The following FUBP3 variants were observed in gnomAD, a reference collection of about 807,000 sequenced individuals.
FUBP3 encodes the protein far upstream element binding protein 3.
Under a neutral mutation model 85.6 loss-of-function variants are expected in FUBP3, and 28 were observed. That is an observed-to-expected ratio of 0.33 (90% CI 0.24 to 0.45). The LOEUF is 0.45. Among genes scored for constraint, FUBP3 ranks in the 20% least tolerant of loss-of-function variants. The probability of loss-of-function intolerance (pLI) is 1.00; values close to 1 mark genes in which losing one functional copy is unlikely to be tolerated. For missense variants in FUBP3, 583 were observed against 755.1 expected (o/e 0.77, Z 2.67); for synonymous variants, 271 against 271.4 (o/e 1.00, Z 0.01).
At chr9:130,583,036 G>A (rs1022704266) in intron 1 of FUBP3, among the ~76,000 whole-genome samples, 13 of 152,258 alleles carry the variant, frequency 8.5e-5, no homozygotes, top group Admixed American at 2.0e-4. Context: ...TGTTGATACA[G>A]AATGCAGTCT....
chr9:130,628,597 G>A (rs1564223645), intron 12 of FUBP3, among the ~76,000 whole-genome samples: 1 of 152,156 alleles, frequency 6.6e-6, no homozygotes, highest in Non-Finnish European at 1.5e-5. Flanking sequence ...GGCCCAGTGG[G>A]GAGGGCCGGG....
intron 2 of FUBP3, among the ~76,000 whole-genome samples, chr9:130,599,191 C>G (rs1312567697): frequency 1.3e-5 from 2 of 152,026 alleles, no homozygotes; most frequent in Non-Finnish European, 2.9e-5. Context: ...GCTTGGGAGG[C>G]TGAGGCAGGA....
At chr9:130,630,375 A>G (rs1026525512) in intron 12 of FUBP3, among the ~76,000 whole-genome samples, 3 of 152,188 alleles carry the variant, frequency 2.0e-5, no homozygotes, top group African/African-American at 2.4e-5. Flanking sequence ...GAGGTTTCAC[A>G]TGGCATCTGT....
At chr9:130,609,772 A>G (rs1446990054) in intron 2 of FUBP3, among the ~76,000 whole-genome samples, 182 bp from the exon 3 acceptor site, 2 of 152,174 alleles carry the variant, frequency 1.3e-5, no homozygotes, top group East Asian at 3.8e-4. Flanking sequence ...GTGTTGATCA[A>G]GATGTCCCCT....
At position 130,632,212 on chromosome 9, in the gene FUBP3, G is replaced by C. The variant is rs1564227758; in HGVS notation, c.1444G>C (p.Ala482Pro). The C allele has an allele frequency of 3.7e-6, 6 of 1,613,800 alleles. No homozygotes were observed. The highest frequency in any genetic ancestry group is 5.1e-6 in the Non-Finnish European group (6 of 1,179,798). ...TCTTGTTATCCACAGTGGTCCTCCG[G>C]CCTTTCTGACCCAGGGCTGGGGCAG... ...PHSTPVSGPP[A>P]FLTQGWGSTY... Residue 482 changes from alanine (A) to proline (P), a missense_variant, in exon 16 of 19, where the codon GCC becomes CCC. By Grantham distance (27) the Ala-to-Pro change is conservative. This residue lies in a region of FUBP3 where 404 missense variants were observed against 516.8 expected (regional missense o/e 0.78). Transcript: ENST00000319725.
intron 18 of FUBP3, 113 bp from the exon 19 acceptor site, chr9:130,636,901 G>A: frequency 1.1e-6 from 1 of 878,262 alleles, no homozygotes; most frequent in Non-Finnish European, 2.0e-6. Flanking sequence ...GACCTCTTCA[G>A]CAGAGGTTTT....
intron 8 of FUBP3, 118 bp downstream of exon 8, chr9:130,618,013 A>G: frequency 1.7e-6 from 1 of 585,646 alleles, no homozygotes; most frequent in Non-Finnish European, 3.1e-6. Flanking sequence ...TATTGAAGGT[A>G]AACTGTTCTC....
At chr9:130,622,310 A>C (rs1483800435) in intron 9 of FUBP3, among the ~76,000 whole-genome samples, 5 of 128,984 alleles carry the variant, frequency 3.9e-5, no homozygotes, top group Non-Finnish European at 7.9e-5. Flanking sequence ...ACAGAGCGAG[A>C]CTCCATCTCC....
At position 130,589,667 on chromosome 9, in the gene FUBP3, A is replaced by G. The variant is rs868274418; in HGVS notation, c.85-5816A>G. Among the ~76,000 whole-genome samples the G allele has an allele frequency of 8.6e-3, 516 of 59,976 alleles. 10 individuals carry two copies. Among genetic ancestry groups the G allele is most frequent in the African/African-American group, 0.033 (477 of 14,492 alleles). The allele number at this position is 59,976 out of a possible 152,430, so 39.3% of individuals were successfully genotyped here. A position where few individuals can be genotyped will look rare whatever the true frequency, so the allele number is the denominator to read the frequency against. On this transcript the variant is annotated intron_variant, in intron 1 of 18. Coordinates refer to ENST00000319725, the MANE Select transcript of FUBP3 (RefSeq NM_003934.2). The stretch of plus-strand genomic sequence containing the variant: ...CCAGATTTATTTTAAATATGTATGT[A>G]TGTGTGTGTATATATATATATATAT...
At chr9:130,617,175 CAG>C (rs1832049715) in intron 7 of FUBP3, among the ~76,000 whole-genome samples, 1 of 152,182 alleles carries the variant, frequency 6.6e-6, no homozygotes, top group Non-Finnish European at 1.5e-5. Context: ...ATAATACACT[CAG>C]AGAAAGGCAA....
intron 2 of FUBP3, among the ~76,000 whole-genome samples, chr9:130,597,380 T>C (rs1391871231): frequency 1.3e-5 from 2 of 152,204 alleles, no homozygotes; most frequent in East Asian, 3.8e-4. Context: ...AGAAGTGATC[T>C]GGTAGCCTCT....
At chr9:130,632,431 C>T (rs911209991) in intron 16 of FUBP3, among the ~76,000 whole-genome samples, 153 bp downstream of exon 16, 1 of 152,230 alleles carries the variant, frequency 6.6e-6, no homozygotes, top group Non-Finnish European at 1.5e-5. Context: ...CTTGGGCCCT[C>T]CTGCAGGCCT....
chr9:130,616,370 C>G lies in FUBP3; in HGVS notation c.420C>G (p.Leu140=), dbSNP rs201272383. The G allele has an allele frequency of 1.8e-5, 29 of 1,614,148 alleles. No individual in the cohort carries two copies. The East Asian group carries it at 6.2e-4, about 35-fold the overall frequency. Residue 140 remains leucine (L), a synonymous_variant, in exon 7 of 19, where the codon CTC becomes CTG. Transcript: ENST00000319725. The surrounding 1 kb of genome is among the most constrained non-coding windows in gnomAD (Gnocchi z 4.7). ...TPESIEQAKR[L]LGQIVDRCRN... is the part of the protein sequence containing the mutation. Reference sequence around the variant, plus strand: ...CCTCCCAAAGACAAGCCAAACGGCTCCTGGGACAGATTGTGGACCGCTGTC... The same window carrying G: ...CCTCCCAAAGACAAGCCAAACGGCTGCTGGGACAGATTGTGGACCGCTGTC...
At chr9:130,619,321 A>G (rs1404679683) in intron 8 of FUBP3, among the ~76,000 whole-genome samples, 1 of 108,842 alleles carries the variant, frequency 9.2e-6, no homozygotes, top group African/African-American at 3.7e-5. Context: ...TTTTTTTTTC[A>G]TTTAGGAGAT....
Position 130,616,314 on chromosome 9 carries a change from A to G in FUBP3, c.405-41A>G, listed in dbSNP as rs1554742169. Reference sequence around the variant, plus strand: ...CCTGTCTTGCACACTTAGAGCCTCCATTTAATGCTGGTTCTCTTGTGGTTC... The same window carrying G: ...CCTGTCTTGCACACTTAGAGCCTCCGTTTAATGCTGGTTCTCTTGTGGTTC... On this transcript the variant is annotated intron_variant, in intron 6 of 18. Transcript: ENST00000319725. This position sits in a 1 kb window ranked among gnomAD's most constrained non-coding sequence, Gnocchi z 4.7. The G allele has an allele frequency of 1.2e-6, 2 of 1,607,922 alleles. 1 individual carries two copies. Among genetic ancestry groups the G allele is most frequent in the South Asian group, 2.2e-5 (2 of 90,746 alleles).
At chr9:130,621,513 T>C (rs1217427156) in intron 9 of FUBP3, among the ~76,000 whole-genome samples, 1 of 152,232 alleles carries the variant, frequency 6.6e-6, no homozygotes, top group African/African-American at 2.4e-5. Context: ...GTGTGTTTAT[T>C]GGAAGGCAAA....
At chr9:130,628,102 G>A (rs55706021) in intron 12 of FUBP3, among the ~76,000 whole-genome samples, 11,443 of 86,866 alleles carry the variant, frequency 0.13, 881 homozygotes, top group East Asian at 0.31. Flanking sequence ...ACGCACGCAC[G>A]CGCACACACA....
chr9:130,625,624 T>C (rs1829939330), intron 11 of FUBP3, among the ~76,000 whole-genome samples: 1 of 152,224 alleles, frequency 6.6e-6, no homozygotes, highest in African/African-American at 2.4e-5. Flanking sequence ...GGAATGAGAC[T>C]TGCTGCTGTC....
intron 16 of FUBP3, among the ~76,000 whole-genome samples, chr9:130,632,801 C>G (rs1830268108): frequency 6.6e-6 from 1 of 152,238 alleles, no homozygotes; most frequent in East Asian, 1.9e-4. Context: ...GGAGAAAGTC[C>G]TGGTGGGAAT....
Sources: allele counts gnomAD v4.1 joint callset (sites outside exome capture counted in the v4.1 genomes callset), GRCh38; gene constraint gnomAD v4.1.1; regional missense constraint gnomAD v4.1.1; non-coding constraint Gnocchi (gnomAD v3.1); transcripts MANE v1.5; gene names NCBI Gene and HGNC (gene_info 2026-07-23, HGNC 2026-07-21).